Variants in ZNF804B observed in about 807,000 individuals in gnomAD.
The protein encoded by ZNF804B is zinc finger 804B.
Under a neutral mutation model 101.4 loss-of-function variants are expected in ZNF804B, and 80 were observed. The ratio of observed to expected loss-of-function variants is 0.79; its 90% CI spans 0.66 to 0.95. ZNF804B has a LOEUF of 0.95. ZNF804B is among the 40% of genes least tolerant of loss of function. The pLI is 0.00. For synonymous variants in ZNF804B, 622 were observed against 558.8 expected (o/e 1.11, Z -1.59); for missense variants, 1,673 against 1,561.9 (o/e 1.07, Z -1.20).
At chr7:89,021,508 T>C (rs1186787386) in intron 1 of ZNF804B, among the ~76,000 whole-genome samples, 2 of 152,184 alleles carry the variant, frequency 1.3e-5, no homozygotes, top group African/African-American at 2.4e-5. Flanking sequence ...GCCAACCTGA[T>C]TGTGTGTCTG....
intron 1 of ZNF804B, among the ~76,000 whole-genome samples, chr7:89,148,524 T>C (rs949689452): frequency 6.6e-6 from 1 of 152,108 alleles, no homozygotes; most frequent in Non-Finnish European, 1.5e-5. Context: ...CAGAAAAATG[T>C]CACTTATACT....
rs577702724 is a variant in ZNF804B at position 88,759,837 on chromosome 7, T to C, written c.-140T>C. On this transcript the variant is annotated 5_prime_UTR_variant, in exon 1 of 4. Coordinates refer to ENST00000333190, the MANE Select transcript of ZNF804B (RefSeq NM_181646.5). Reference sequence around the variant, plus strand: ...CACGGGGCGCGGAGCAGGGACGCGCTGCCACCGCCTCCCCCTGCGTCCTGC... The same window carrying C: ...CACGGGGCGCGGAGCAGGGACGCGCCGCCACCGCCTCCCCCTGCGTCCTGC... 1.5e-6 allele frequency: 1 copy of C among 669,728 alleles called. No homozygotes were observed. Among genetic ancestry groups the C allele is most frequent in the Non-Finnish European group, 2.6e-6 (1 of 381,488 alleles). The allele number at this position is 669,728 out of a possible 1,614,324, so 41.5% of individuals were successfully genotyped here. A position where few individuals can be genotyped will look rare whatever the true frequency, so the allele number is the denominator to read the frequency against.
intron 1 of ZNF804B, among the ~76,000 whole-genome samples, chr7:89,050,909 A>G (rs969865100): frequency 6.6e-5 from 10 of 152,130 alleles, no homozygotes; most frequent in Admixed American, 5.9e-4. Flanking sequence ...ACAAATGGAT[A>G]TAACTCATTA....
chr7:89,216,553 C>G (rs1368261887), intron 1 of ZNF804B, among the ~76,000 whole-genome samples: 1 of 152,128 alleles, frequency 6.6e-6, no homozygotes, highest in African/African-American at 2.4e-5. Flanking sequence ...CTCCATTATT[C>G]TAGAATGTAA....
chr7:89,269,680 A>G lies in ZNF804B; in HGVS notation c.249+51385A>G, dbSNP rs1231886655. On this transcript the variant is annotated intron_variant, in intron 2 of 3. Transcript: ENST00000333190. ...GTTGAACTAGTTTACAGTCCCACCA[A>G]TAGTGTAAAAGTGTTCCTATTTCTC... 3.3e-5 allele frequency among the ~76,000 whole-genome samples: 5 copies of G among 152,152 alleles called. 1 individual carries two copies. The highest frequency in any genetic ancestry group is 2.9e-5 in the Non-Finnish European group (2 of 68,026).
At position 89,334,137 on chromosome 7, in the gene ZNF804B, T is replaced by A. The variant is rs777121427; in HGVS notation, c.1155T>A (p.Asp385Glu). The change falls in exon 4 of 4, where the codon GAT (aspartate) becomes GAA (glutamate). Residue 385 changes from aspartate (D) to glutamate (E), a missense_variant. Asp to Glu is a conservative substitution (Grantham distance 45). Coordinates refer to ENST00000333190, the MANE Select transcript of ZNF804B (RefSeq NM_181646.5). ...HSDARISECL[D>E]EFSSLEPSEQ... The stretch of plus-strand genomic sequence containing the variant: ...ATGCCAGGATATCTGAATGCCTGGA[T>A]GAGTTTTCATCACTGGAGCCAAGTG... The A allele has an allele frequency of 6.2e-7, 1 of 1,612,318 alleles. No individual in the cohort carries two copies. Among genetic ancestry groups the A allele is most frequent in the African/African-American group, 1.3e-5 (1 of 74,884 alleles).
intron 1 of ZNF804B, among the ~76,000 whole-genome samples, chr7:89,078,798 T>G (rs540745776): frequency 6.6e-6 from 1 of 151,956 alleles, no homozygotes; most frequent in East Asian, 1.9e-4. Context: ...GAAATACAAT[T>G]GGTCTTTCTA....
rs10630362 is a variant in ZNF804B at position 88,776,555 on chromosome 7, G to GTTTTTT, written c.108+16475_108+16476insTTTTTT. On this transcript the variant is annotated intron_variant, in intron 1 of 3. Coordinates refer to ENST00000333190, the MANE Select transcript of ZNF804B (RefSeq NM_181646.5). ...TAGTGGCTTTTCTATTTCTCGTGGT[G>GTTTTTT]TTTTGTTTTTTTTTTTTTTTTTTTT... Among the ~76,000 whole-genome samples, 152 of 106,456 alleles carry GTTTTTT rather than the reference G, an allele frequency of 1.4e-3. 8 individuals are homozygous for GTTTTTT. Among genetic ancestry groups the GTTTTTT allele is most frequent in the African/African-American group, 3.5e-3 (108 of 30,492 alleles). 69.8% of individuals were successfully genotyped at this position (106,456 alleles called of 152,430 possible). A position where few individuals can be genotyped will look rare whatever the true frequency, so the allele number is the denominator to read the frequency against.
Position 89,336,100 on chromosome 7 carries a change from C to T in ZNF804B, c.3118C>T (p.Leu1040=). ...TCACCTAGTAACAGAGTCTCAGTCA[C>T]TAAACATAAAAAGGGATGCAACAAC... ...IIHLVTESQS[L]NIKRDATTKE... The change falls in exon 4 of 4, where the codon CTA becomes TTA. Residue 1040 remains leucine, a synonymous_variant. Transcript: ENST00000333190. 1.2e-6 allele frequency: 2 copies of T among 1,613,886 alleles called. No individual in the cohort carries two copies. Among genetic ancestry groups the T allele is most frequent in the Non-Finnish European group, 1.7e-6 (2 of 1,179,970 alleles).
intron 1 of ZNF804B, among the ~76,000 whole-genome samples, chr7:89,083,717 C>A (rs2158144): frequency 0.32 from 48,514 of 151,250 alleles, 8,514 homozygotes; most frequent in East Asian, 0.52. Context: ...ATATTGAGAC[C>A]GTTAAACTTT....
intron 1 of ZNF804B, among the ~76,000 whole-genome samples, chr7:88,846,428 A>T (rs1011945695): frequency 6.6e-6 from 1 of 152,232 alleles, no homozygotes; most frequent in Admixed American, 6.5e-5. Context: ...AGTGGGGGAT[A>T]AGAAACACCT....
At chr7:89,293,043 T>C (rs1790322536) in intron 2 of ZNF804B, among the ~76,000 whole-genome samples, 1 of 152,126 alleles carries the variant, frequency 6.6e-6, no homozygotes, top group Non-Finnish European at 1.5e-5. Context: ...TTATTTCTAC[T>C]CTATTGTTTC....
chr7:89,319,833 A>T (rs1168044255), intron 2 of ZNF804B, among the ~76,000 whole-genome samples: 2 of 152,288 alleles, frequency 1.3e-5, no homozygotes, highest in East Asian at 3.9e-4. Context: ...AATGCAGCTC[A>T]ACTAGAGATT....
chr7:89,258,491 A>G (rs1789667731), intron 2 of ZNF804B, among the ~76,000 whole-genome samples: 1 of 152,196 alleles, frequency 6.6e-6, no homozygotes, highest in Non-Finnish European at 1.5e-5. Context: ...ATATAGTTGA[A>G]TAAATGGTTA....
chr7:89,322,832 T>G (rs1402074086), intron 2 of ZNF804B, among the ~76,000 whole-genome samples: 1 of 152,176 alleles, frequency 6.6e-6, no homozygotes, highest in Non-Finnish European at 1.5e-5. Flanking sequence ...ATGGCTTCAG[T>G]GGTGACTCTA....
chr7:89,075,966 A>T (rs893798848), intron 1 of ZNF804B, among the ~76,000 whole-genome samples: 4 of 152,186 alleles, frequency 2.6e-5, no homozygotes, highest in Non-Finnish European at 4.4e-5. Context: ...TGTTTTGGCC[A>T]ATTTCATCCA....
chr7:89,233,041 C>G (rs1177161449), intron 2 of ZNF804B, among the ~76,000 whole-genome samples: 1 of 152,166 alleles, frequency 6.6e-6, no homozygotes, highest in African/African-American at 2.4e-5. Flanking sequence ...CCTGCCTCAG[C>G]CTCCCGAGTA....
intron 1 of ZNF804B, among the ~76,000 whole-genome samples, chr7:89,062,125 A>G (rs1423500240): frequency 6.6e-6 from 1 of 152,124 alleles, no homozygotes; most frequent in Non-Finnish European, 1.5e-5. Context: ...GGCCCTTCTC[A>G]TCTACCCTTT....
chr7:88,765,693 T>A (rs183787209), intron 1 of ZNF804B, among the ~76,000 whole-genome samples: 150 of 152,274 alleles, frequency 9.9e-4, no homozygotes, highest in African/African-American at 3.5e-3. Context: ...ACAAATGTAG[T>A]TTTTCATAAA....
Sources: gnomAD v4.1 joint callset for allele counts (sites outside exome capture counted in the v4.1 genomes callset) on GRCh38, gnomAD v4.1.1 for gene constraint, MANE v1.5 for transcripts, NCBI Gene and HGNC (gene_info 2026-07-23, HGNC 2026-07-21) for gene names.